The following ALOX5 variants were observed in gnomAD, a reference collection of about 807,000 sequenced individuals.
ALOX5 encodes the protein arachidonate 5-lipoxygenase.
ALOX5 carries 64 observed loss-of-function variants against 87.9 expected under a neutral mutation model. The observed-to-expected ratio is 0.73, with a 90% CI of 0.60 to 0.90. The LOEUF (loss-of-function observed/expected upper bound fraction) is 0.90, where lower values mean the gene tolerates loss of function less well. Ranked by LOEUF, ALOX5 falls within the 40% of genes least tolerant of loss-of-function variation. The probability of loss-of-function intolerance (pLI) is 0.00; values close to 1 mark genes in which losing one functional copy is unlikely to be tolerated. For missense variants in ALOX5, 822 were observed against 907.5 expected, an observed-to-expected ratio of 0.91 and a Z score of 1.21; for synonymous variants, 388 against 355.1, an observed-to-expected ratio of 1.09 and a Z score of -1.04.
At chr10:45,422,545 A>T (rs2132798434) in intron 4 of ALOX5, among the ~76,000 whole-genome samples, 1 of 152,312 alleles carries the variant, frequency 6.6e-6, no homozygotes, top group Middle Eastern at 3.4e-3. Context: ...ATGCTGCATG[A>T]GCCCCTCTGG....
At chr10:45,424,254 T>G (rs1028355185) in intron 5 of ALOX5, 107 bp downstream of exon 5, 19 of 957,398 alleles carry the variant, frequency 2.0e-5, no homozygotes, top group Non-Finnish European at 2.8e-5. Context: ...TGCTGCAGCA[T>G]GGGGGCCTCG....
chr10:45,437,286 G>C (rs1222895002), intron 7 of ALOX5, among the ~76,000 whole-genome samples: 1 of 152,218 alleles, frequency 6.6e-6, no homozygotes, highest in Non-Finnish European at 1.5e-5. Flanking sequence ...CTGGGAGGCG[G>C]AGGTTGCAGT....
intron 3 of ALOX5, among the ~76,000 whole-genome samples, chr10:45,403,281 A>G (rs1830278803): frequency 6.6e-6 from 1 of 152,232 alleles, no homozygotes; most frequent in Non-Finnish European, 1.5e-5. Flanking sequence ...CTGCAAGGAA[A>G]ATCAACAAAC....
intron 3 of ALOX5, 83 bp from the exon 4 acceptor site, chr10:45,412,108 C>CT (rs2132760912): frequency 6.3e-7 from 1 of 1,578,996 alleles, no homozygotes; most frequent in African/African-American, 1.3e-5. Flanking sequence ...GTAACATCGT[C>CT]TGACAGTGTG....
At chr10:45,401,915 T>A (rs950625188) in intron 3 of ALOX5, among the ~76,000 whole-genome samples, 2 of 152,040 alleles carry the variant, frequency 1.3e-5, no homozygotes, top group African/African-American at 4.8e-5. Flanking sequence ...TGAAACCCCG[T>A]CTCTACTAAA....
In ALOX5 at chr10:45,440,444, G is replaced by C; in HGVS notation, c.996G>C (p.Pro332=). Residue 332 remains proline (P), a synonymous_variant, in exon 8 of 14, where the codon CCG becomes CCC. Transcript: ENST00000374391. ...CAATGTATCAGCTCAACCAAATCCC[G>C]GGAGATGAGAACCCTATTTTCCTCC... ...VPIAIQLNQI[P]GDENPIFLPS... 6.2e-7 allele frequency: 1 copy of C among 1,614,138 alleles called. No homozygotes were observed. Among genetic ancestry groups the C allele is most frequent in the Non-Finnish European group, 8.5e-7 (1 of 1,180,014 alleles).
chr10:45,388,287 C>A (rs769039196), intron 2 of ALOX5, among the ~76,000 whole-genome samples: 2 of 152,218 alleles, frequency 1.3e-5, no homozygotes, highest in African/African-American at 4.8e-5. Context: ...GAACAAAAGG[C>A]AGCAGAAACC....
At chr10:45,424,255 G>C (rs1367039667) in intron 5 of ALOX5, 108 bp downstream of exon 5, 3 of 950,060 alleles carry the variant, frequency 3.2e-6, no homozygotes, top group Non-Finnish European at 5.1e-6. Flanking sequence ...GCTGCAGCAT[G>C]GGGGCCTCGC....
intron 4 of ALOX5, among the ~76,000 whole-genome samples, chr10:45,417,344 GCA>G (rs1215702794): frequency 6.6e-6 from 1 of 152,172 alleles, no homozygotes; most frequent in Non-Finnish European, 1.5e-5. Context: ...GGGAAGTCCA[GCA>G]CAGTTATATT....
At chr10:45,428,539 G>T (rs1464656004) in intron 6 of ALOX5, 79 bp from the exon 7 acceptor site, 1 of 1,566,222 alleles carries the variant, frequency 6.4e-7, no homozygotes, top group African/African-American at 1.3e-5. Context: ...GGTGCCCAGA[G>T]GTCATCACTC....
Position 45,428,643 on chromosome 10 carries a change from T to C in ALOX5, c.860T>C (p.Phe287Ser). ...VQQGNIFIVD[F>S]ELLDGIDANK... ...CAAGGGAACATTTTCATCGTGGACT[T>C]TGAGCTGCTGGATGGCATCGATGCC... The change falls in exon 7 of 14, where the codon TTT becomes TCT. Residue 287 changes from phenylalanine (F) to serine (S), a missense_variant. Physicochemically the swap from Phe to Ser is radical, Grantham distance 155. Coordinates refer to ENST00000374391, the MANE Select transcript of ALOX5 (RefSeq NM_000698.5). 6.2e-7 allele frequency: 1 copy of C among 1,614,132 alleles called. No individual in the cohort carries two copies. Among genetic ancestry groups the C allele is most frequent in the Non-Finnish European group, 8.5e-7 (1 of 1,180,014 alleles).
intron 2 of ALOX5, among the ~76,000 whole-genome samples, chr10:45,393,464 A>C (rs1316327895): frequency 6.6e-6 from 1 of 151,700 alleles, no homozygotes; most frequent in African/African-American, 2.4e-5. Context: ...CAAAATAATA[A>C]GAGCTATTTA....
At chr10:45,388,643 G>T (rs1461011162) in intron 2 of ALOX5, among the ~76,000 whole-genome samples, 2 of 152,218 alleles carry the variant, frequency 1.3e-5, no homozygotes, top group Non-Finnish European at 2.9e-5. Context: ...ACTGTTAGAA[G>T]GAAAACTAAC....
chr10:45,424,833 C>A, intron 5 of ALOX5, 127 bp from the exon 6 acceptor site: 1 of 1,148,316 alleles, frequency 8.7e-7, no homozygotes, highest in Non-Finnish European at 1.2e-6. Context: ...TGGAGCTGTG[C>A]CCATCCAGGG....
intron 3 of ALOX5, among the ~76,000 whole-genome samples, chr10:45,399,219 C>G (rs1167042478): frequency 1.3e-5 from 2 of 152,088 alleles, no homozygotes; most frequent in Admixed American, 6.6e-5. Context: ...TGTATGATTC[C>G]TTTTATATGA....
At chr10:45,381,630 A>G (rs776225626) in intron 1 of ALOX5, among the ~76,000 whole-genome samples, 16 of 152,164 alleles carry the variant, frequency 1.1e-4, no homozygotes, top group Non-Finnish European at 2.2e-4. Flanking sequence ...GCGGACCCTC[A>G]CTGGGCACAG....
chr10:45,390,559 A>C (rs1001900675), intron 2 of ALOX5, among the ~76,000 whole-genome samples: 5 of 152,236 alleles, frequency 3.3e-5, no homozygotes, highest in Non-Finnish European at 7.3e-5. Context: ...TCTCAACTAC[A>C]TGGACACTGA....
chr10:45,411,109 A>G (rs1233915364), intron 3 of ALOX5, among the ~76,000 whole-genome samples: 1 of 152,210 alleles, frequency 6.6e-6, no homozygotes, highest in Non-Finnish European at 1.5e-5. Flanking sequence ...TGACATTACT[A>G]TGGCATTTGT....
chr10:45,378,892 T>C (rs58238740), intron 1 of ALOX5, among the ~76,000 whole-genome samples: 25,063 of 152,132 alleles, frequency 0.16, 2,136 homozygotes, highest in South Asian at 0.19. Flanking sequence ...TGGAAGTCCC[T>C]GTCAGATGGC....
Sources: allele counts gnomAD v4.1 joint callset (sites outside exome capture counted in the v4.1 genomes callset), GRCh38; gene constraint gnomAD v4.1.1; transcripts MANE v1.5; gene names NCBI Gene and HGNC (gene_info 2026-07-23, HGNC 2026-07-21).